The following FOXM1 variants were observed in gnomAD, a reference collection of about 807,000 sequenced individuals.
FOXM1 encodes forkhead box M1, also known as forkhead box protein M1.
In FOXM1, 25 loss-of-function variants were observed where a neutral mutation model predicts 63.6. That is an observed-to-expected ratio of 0.39 (90% CI 0.29 to 0.55). The LOEUF (loss-of-function observed/expected upper bound fraction) is 0.55. FOXM1 is among the 20% of genes least tolerant of loss of function. FOXM1 has a pLI of 0.60. For synonymous variants in FOXM1, 387 were observed against 376.9 expected, an observed-to-expected ratio of 1.03 and a Z score of -0.31; for missense variants, 879 against 958.7, an observed-to-expected ratio of 0.92 and a Z score of 1.10.
chr12:2,859,365 G>C lies in FOXM1; in HGVS notation c.1565C>G (p.Ser522Cys). The C allele has an allele frequency of 1.9e-6, 3 of 1,613,930 alleles. No individual in the cohort carries two copies. Among genetic ancestry groups the C allele is most frequent in the Non-Finnish European group, 2.5e-6 (3 of 1,180,008 alleles). ...CATTTCCGAGACACACCGGGTTGGG[G>C]ACCTAAGCCCACTGTAGGACTTCTT... ...RPKKSYSGLR[S>C]PTRCVSEMLV... The change falls in exon 9 of 9, where the codon TCC becomes TGC. Residue 522 changes from serine to cysteine, a missense_variant. By Grantham distance (112) the Ser-to-Cys change is moderately radical. Coordinates refer to ENST00000359843, the MANE Select transcript of FOXM1 (RefSeq NM_021953.4).
intron 1 of FOXM1, among the ~76,000 whole-genome samples, chr12:2,875,761 A>ATTTTTTT (rs568267379): frequency 0.016 from 2,148 of 133,258 alleles, 60 homozygotes; most frequent in African/African-American, 0.058. Flanking sequence ...ATTTTTTTTA[A>ATTTTTTT]TTTTTTTTTT....
chr12:2,874,081 CT>C lies in FOXM1; in HGVS notation c.397del (p.Arg133GlyfsTer4). Reference sequence around the variant, plus strand: ...CAAGGTCTCCAGGGTCACTTCTGTCCTTTTGGCATCATAGCTGGTTTGGGTT... The same window carrying C: ...CAAGGTCTCCAGGGTCACTTCTGTCCTTTGGCATCATAGCTGGTTTGGGTT... ...PQTQTSYDAK[R>X]TEVTLETLGP... On this transcript the variant is annotated frameshift_variant, in exon 2 of 9. Transcript: ENST00000359843. LOFTEE classifies it high-confidence loss of function. This position sits in a 1 kb window ranked among gnomAD's most constrained non-coding sequence, Gnocchi z 4.3. 6.2e-7 allele frequency: 1 copy of C among 1,614,136 alleles called. No homozygotes were observed. The highest frequency in any genetic ancestry group is 8.5e-7 in the Non-Finnish European group (1 of 1,180,022).
chr12:2,860,537 TATCTTCAGC>T (rs1377459799), intron 8 of FOXM1, among the ~76,000 whole-genome samples: 1 of 152,002 alleles, frequency 6.6e-6, no homozygotes, highest in Non-Finnish European at 1.5e-5. Context: ...AGTAGAAAAA[TATCTTCAGC>T]ATAAAAGAAA....
Position 2,858,472 on chromosome 12 carries a change from A to C in FOXM1, c.*166T>G, listed in dbSNP as rs2098096528. On this transcript the variant is annotated 3_prime_UTR_variant, in exon 9 of 9. Transcript: ENST00000359843. ...ATACTCTTGGGGAACACAAGGTCCC[A>C]GCAGTGGCTAGGGTGTGACTGCTAC... The C allele has an allele frequency of 1.6e-6, 1 of 608,590 alleles. No homozygotes were observed. Among genetic ancestry groups the C allele is most frequent in the East Asian group, 2.8e-5 (1 of 36,146 alleles). The allele number at this position is 608,590 out of a possible 1,614,324, so 37.7% of individuals were successfully genotyped here. A position where few individuals can be genotyped will look rare whatever the true frequency, so the allele number is the denominator to read the frequency against.
chr12:2,861,285 G>C, intron 8 of FOXM1: 1 of 725,352 alleles, frequency 1.4e-6, no homozygotes, highest in Non-Finnish European at 2.5e-6. Context: ...TAATGACAAG[G>C]TGCTCAGACT....
At position 2,858,494 on chromosome 12, in the gene FOXM1, C is replaced by T. The variant is rs2153930844; in HGVS notation, c.*144G>A. The T allele has an allele frequency of 1.5e-6, 1 of 679,584 alleles. No individual in the cohort carries two copies. Among genetic ancestry groups the T allele is most frequent in the East Asian group, 2.7e-5 (1 of 36,624 alleles). The allele number at this position is 679,584 out of a possible 1,614,324, so 42.1% of individuals were successfully genotyped here. A position where few individuals can be genotyped will look rare whatever the true frequency, so the allele number is the denominator to read the frequency against. ...CCCAGCAGTGGCTAGGGTGTGACTGCTACTTTTGCATAATCAGGCAGCAGG... is the reference window on the plus strand; with the variant it reads ...CCCAGCAGTGGCTAGGGTGTGACTGTTACTTTTGCATAATCAGGCAGCAGG... On this transcript the variant is annotated 3_prime_UTR_variant, in exon 9 of 9. Transcript: ENST00000359843.
chr12:2,870,469 C>T (rs2098131176), intron 3 of FOXM1, among the ~76,000 whole-genome samples: 1 of 151,836 alleles, frequency 6.6e-6, no homozygotes, highest in Admixed American at 6.6e-5. Context: ...TTGAGACCAT[C>T]CTGGCCACCA....
Position 2,868,827 on chromosome 12 carries a change from C to T in FOXM1, c.655-73G>A, listed in dbSNP as rs188771991. 1.8e-4 allele frequency: 224 copies of T among 1,221,446 alleles called. No individual in the cohort carries two copies. In the African/African-American group the frequency reaches 2.8e-3, roughly 15 times the overall value. 75.7% of individuals were successfully genotyped at this position (1,221,446 alleles called of 1,614,324 possible). A position where few individuals can be genotyped will look rare whatever the true frequency, so the allele number is the denominator to read the frequency against. On this transcript the variant is annotated intron_variant, in intron 3 of 8. Transcript: ENST00000359843. Reference sequence around the variant, plus strand: ...ACCCCCAACCCAAGCCCTTGAAGAACATCTAGAGAAACCTTTATCCCATAG... The same window carrying T: ...ACCCCCAACCCAAGCCCTTGAAGAATATCTAGAGAAACCTTTATCCCATAG...
At position 2,864,340 on chromosome 12, in the gene FOXM1, G is replaced by A. The variant is rs1303736566; in HGVS notation, c.1246C>T (p.Arg416Ter). ...MSSELARHSK[R>*]VRIAPKVLLA... ...CCCACCTTGGGGGCAATGCGGACTC[G>A]CTTGCTATGGCGGGCAAGCTCTGAG... Residue 416 changes from arginine (R) to a stop codon, truncating the protein, a stop_gained, in exon 8 of 9, where the codon CGA becomes TGA. Coordinates refer to ENST00000359843, the MANE Select transcript of FOXM1 (RefSeq NM_021953.4). LOFTEE classifies it high-confidence loss of function. The surrounding 1 kb of genome is among the most constrained non-coding windows in gnomAD (Gnocchi z 5.1). 7 of 1,613,250 alleles carry A rather than the reference G, an allele frequency of 4.3e-6. No homozygotes were observed. Among genetic ancestry groups the A allele is most frequent in the Non-Finnish European group, 5.1e-6 (6 of 1,179,484 alleles).
rs2098120513 is a variant in FOXM1 at position 2,864,979 on chromosome 12, C to T, written c.1021-227G>A. On this transcript the variant is annotated intron_variant, in intron 6 of 8. Coordinates refer to ENST00000359843, the MANE Select transcript of FOXM1 (RefSeq NM_021953.4). The surrounding 1 kb of genome is among the most constrained non-coding windows in gnomAD (Gnocchi z 5.1). ...ACATGATGGCAGAGTGGCACTACCGCTTCACCCACGTGTCCTCAACACCCC... is the reference window on the plus strand; with the variant it reads ...ACATGATGGCAGAGTGGCACTACCGTTTCACCCACGTGTCCTCAACACCCC... The T allele has an allele frequency of 1.7e-6, 1 of 604,372 alleles. No homozygotes were observed. Among genetic ancestry groups the T allele is most frequent in the African/African-American group, 1.8e-5 (1 of 54,244 alleles). The allele number at this position is 604,372 out of a possible 1,614,324, so 37.4% of individuals were successfully genotyped here. A position where few individuals can be genotyped will look rare whatever the true frequency, so the allele number is the denominator to read the frequency against.
intron 2 of FOXM1, among the ~76,000 whole-genome samples, chr12:2,873,176 TC>T (rs201377495): frequency 0.088 from 13,319 of 152,068 alleles, 1,251 homozygotes; most frequent in African/African-American, 0.22. Flanking sequence ...GGTGGGCGAA[TC>T]ACCTGAGGTC....
chr12:2,875,761 A>ATT (rs568267379), intron 1 of FOXM1, among the ~76,000 whole-genome samples: 82 of 133,352 alleles, frequency 6.1e-4, no homozygotes, highest in Middle Eastern at 7.6e-3. Flanking sequence ...ATTTTTTTTA[A>ATT]TTTTTTTTTT....
At chr12:2,873,580 A>ATTTT (rs201213340) in intron 2 of FOXM1, among the ~76,000 whole-genome samples, 1 of 145,512 alleles carries the variant, frequency 6.9e-6, no homozygotes, top group Non-Finnish European at 1.5e-5. Flanking sequence ...TTCTTTTTTC[A>ATTTT]TTTTTATTTT....
Position 2,874,309 on chromosome 12 carries a change from T to G in FOXM1, c.170A>C (p.Lys57Thr), listed in dbSNP as rs753796253. Residue 57 changes from lysine (K) to threonine (T), a missense_variant, in exon 2 of 9, where the codon AAG (lysine) becomes ACG (threonine). Around this residue, in one of 4 missense-constraint regions of FOXM1, gnomAD observed 255 missense variants for 292.4 expected, o/e 0.87. Coordinates refer to ENST00000359843, the MANE Select transcript of FOXM1 (RefSeq NM_021953.4). The surrounding 1 kb of genome is among the most constrained non-coding windows in gnomAD (Gnocchi z 4.3). The part of the protein sequence containing the change: ...SKEVAESNSC[K>T]FPAGIKIINH... ...AATAATCTTGATCCCAGCTGGAAAC[T>G]TGCAAGAGTTGGACTCTGCCACTTC... 4 of 1,614,140 alleles carry G rather than the reference T, an allele frequency of 2.5e-6. No homozygotes were observed. The highest frequency in any genetic ancestry group is 2.2e-5 in the South Asian group (2 of 91,078).
Position 2,872,057 on chromosome 12 carries a change from C to G in FOXM1, c.654+39G>C. On this transcript the variant is annotated intron_variant, in intron 3 of 8. Coordinates refer to ENST00000359843, the MANE Select transcript of FOXM1 (RefSeq NM_021953.4). The surrounding 1 kb of genome is among the most constrained non-coding windows in gnomAD (Gnocchi z 4.0). Reference sequence around the variant, plus strand: ...TTTCCCTACCTAGGAATTCCCTACACTGGATCTGATTTCTTTAGTGAGGGA... The same window carrying G: ...TTTCCCTACCTAGGAATTCCCTACAGTGGATCTGATTTCTTTAGTGAGGGA... The G allele has an allele frequency of 6.2e-7, 1 of 1,611,090 alleles. No homozygotes were observed. Among genetic ancestry groups the G allele is most frequent in the Non-Finnish European group, 8.5e-7 (1 of 1,177,376 alleles).
chr12:2,859,173 G>A lies in FOXM1; in HGVS notation c.1757C>T (p.Ser586Phe), dbSNP rs555600796. 3 of 1,608,180 alleles carry A rather than the reference G, an allele frequency of 1.9e-6. No individual in the cohort carries two copies. In the Admixed American group the frequency reaches 5.0e-5, roughly 27 times the overall value. Residue 586 changes from serine to phenylalanine, a missense_variant, in exon 9 of 9, where the codon TCC (serine) becomes TTC (phenylalanine). Ser to Phe is a radical substitution (Grantham distance 155, BLOSUM62 -2). Coordinates refer to ENST00000359843, the MANE Select transcript of FOXM1 (RefSeq NM_021953.4). ...PFPADSSDPA[S>F]QLSYSQEVGG... ...CACTTCCTGGGAGTAGCTGAGCTGGGAGGCAGGGTCAGAGGAGTCTGCTGG... is the reference window on the plus strand; with the variant it reads ...CACTTCCTGGGAGTAGCTGAGCTGGAAGGCAGGGTCAGAGGAGTCTGCTGG...
At chr12:2,873,170 G>A (rs2098136044) in intron 2 of FOXM1, among the ~76,000 whole-genome samples, 1 of 148,832 alleles carries the variant, frequency 6.7e-6, no homozygotes, top group Non-Finnish European at 1.5e-5. Flanking sequence ...GGCCGAGGTG[G>A]GCGAATCACC....
In FOXM1 at chr12:2,872,840, A is replaced by G. The variant is rs1238462087; in HGVS notation, c.503-593T>C. 9.9e-5 allele frequency among the ~76,000 whole-genome samples: 15 copies of G among 152,232 alleles called. No homozygotes were observed. The highest frequency in any genetic ancestry group is 1.9e-4 in the Non-Finnish European group (13 of 68,008). On this transcript the variant is annotated intron_variant, in intron 2 of 8. Transcript: ENST00000359843. This position sits in a 1 kb window ranked among gnomAD's most constrained non-coding sequence, Gnocchi z 4.0. ...AAAGAATTATTGAGATATGCACACCAAAAAAGTCACTTTTCAGCCTGGGCA... is the reference window on the plus strand; with the variant it reads ...AAAGAATTATTGAGATATGCACACCGAAAAAGTCACTTTTCAGCCTGGGCA...
intron 8 of FOXM1, among the ~76,000 whole-genome samples, chr12:2,860,488 G>A (rs1488843464): frequency 6.6e-6 from 1 of 151,898 alleles, no homozygotes; most frequent in Non-Finnish European, 1.5e-5. Context: ...TCCTGTCTCA[G>A]AAAAGAAAAG....
Sources: gnomAD v4.1 joint callset for allele counts (sites outside exome capture counted in the v4.1 genomes callset) on GRCh38, gnomAD v4.1.1 for gene constraint, gnomAD v4.1.1 regional missense constraint, Gnocchi (gnomAD v3.1) non-coding constraint, MANE v1.5 for transcripts, NCBI Gene and HGNC (gene_info 2026-07-23, HGNC 2026-07-21) for gene names.